TMEM178B: variants seen among roughly 807,000 people sequenced by gnomAD.
The protein encoded by TMEM178B is transmembrane protein 178B.
TMEM178B carries 5 observed loss-of-function variants against 31.0 expected under a neutral mutation model. The ratio of observed to expected loss-of-function variants is 0.16; its 90% CI spans 0.08 to 0.34. The LOEUF is 0.34. Among genes scored for constraint, TMEM178B ranks in the 10% least tolerant of loss-of-function variants. The probability of loss-of-function intolerance (pLI) is 1.00; values close to 1 mark genes in which losing one functional copy is unlikely to be tolerated. For synonymous variants in TMEM178B, 164 were observed against 164.0 expected (o/e 1.00, Z 0.00); for missense variants, 275 against 400.3 (o/e 0.69, Z 2.67).
intron 3 of TMEM178B, among the ~76,000 whole-genome samples, chr7:141,463,511 G>T (rs982407460): frequency 6.6e-6 from 1 of 152,166 alleles, no homozygotes; most frequent in Admixed American, 6.5e-5. Flanking sequence ...AGCTATTCTG[G>T]CCAAATAGAA....
At chr7:141,500,170 G>C in the TMEM178B span, among the ~76,000 whole-genome samples, 15,764 of 152,058 alleles carry the variant, frequency 0.1, 2,485 homozygotes, top group African/African-American at 0.34. Context: ...AAAATTTATT[G>C]ACCATCAATT....
intron 3 of TMEM178B, among the ~76,000 whole-genome samples, chr7:141,441,143 G>A (rs542918271): frequency 2.9e-4 from 44 of 152,214 alleles, no homozygotes; most frequent in Non-Finnish European, 5.6e-4. Flanking sequence ...AGGGACTAGG[G>A]AAGGAGCAGA....
intron 2 of TMEM178B, among the ~76,000 whole-genome samples, chr7:141,392,932 C>T (rs1343955496): frequency 1.3e-5 from 2 of 151,640 alleles, no homozygotes; most frequent in African/African-American, 4.8e-5. Flanking sequence ...CAACCTTCAA[C>T]ATAACTGAAA....
intron 2 of TMEM178B, among the ~76,000 whole-genome samples, chr7:141,258,551 C>T (rs1797965746): frequency 6.6e-6 from 1 of 152,160 alleles, no homozygotes; most frequent in Non-Finnish European, 1.5e-5. Flanking sequence ...TTTCTGTGCT[C>T]TGTTTTCTTC....
At chr7:141,440,601 C>T (rs1225053186) in intron 3 of TMEM178B, among the ~76,000 whole-genome samples, 2 of 151,970 alleles carry the variant, frequency 1.3e-5, no homozygotes, top group African/African-American at 4.8e-5. Flanking sequence ...GATGGGGCCT[C>T]GATTATTACT....
chr7:141,168,930 A>G (rs1796303397), intron 1 of TMEM178B, among the ~76,000 whole-genome samples: 1 of 152,210 alleles, frequency 6.6e-6, no homozygotes. Flanking sequence ...ATCAAATCAG[A>G]GCAATTGGGA....
At chr7:141,433,577 A>G (rs1330361852) in intron 2 of TMEM178B, among the ~76,000 whole-genome samples, 1 of 151,952 alleles carries the variant, frequency 6.6e-6, no homozygotes. Context: ...TGCTAGACAC[A>G]TTTTTTTCAA....
the TMEM178B span, among the ~76,000 whole-genome samples, chr7:141,502,608 T>TA: frequency 2.0e-5 from 3 of 152,054 alleles, no homozygotes; most frequent in Admixed American, 2.0e-4. Flanking sequence ...CCGTATCTAC[T>TA]AAACATAAAA....
At chr7:141,456,109 A>AC in intron 3 of TMEM178B, among the ~76,000 whole-genome samples, 1 of 151,954 alleles carries the variant, frequency 6.6e-6, no homozygotes, top group South Asian at 2.1e-4. Context: ...CTCATCCACC[A>AC]CCCCTTCTGT....
At chr7:141,336,785 A>C (rs568327453) in intron 2 of TMEM178B, among the ~76,000 whole-genome samples, 22 of 150,570 alleles carry the variant, frequency 1.5e-4, no homozygotes, top group Middle Eastern at 6.8e-3. Context: ...CACCATCACC[A>C]CCACAACCAC....
At position 141,402,552 on chromosome 7, in the gene TMEM178B, C is replaced by T. The variant is rs552894543; in HGVS notation, c.497-35056C>T. 1.2e-3 allele frequency among the ~76,000 whole-genome samples: 183 copies of T among 152,318 alleles called. 1 individual carries two copies. Among genetic ancestry groups the T allele is most frequent in the Non-Finnish European group, 2.0e-3 (133 of 68,036 alleles). The stretch of plus-strand genomic sequence containing the variant: ...CACCAGCACCCTAGGACCAAGCGGG[C>T]TGGTGCTTCCAGGCAAAGACACAGC... On this transcript the variant is annotated intron_variant, in intron 2 of 3. Transcript: ENST00000565468.
rs185454000 is a variant in TMEM178B at position 141,115,104 on chromosome 7, G to A, written c.382+40412G>A. On this transcript the variant is annotated intron_variant, in intron 1 of 3. Transcript: ENST00000565468. ...GTCACCCAGGCTGGAATGCAGTGGC[G>A]TGATCTTGGCTCACTGCAACCTCCG... Among the ~76,000 whole-genome samples the A allele has an allele frequency of 4.0e-3, 603 of 152,186 alleles. 8 individuals carry two copies. The highest frequency in any genetic ancestry group is 0.013 in the African/African-American group (557 of 41,522).
intron 1 of TMEM178B, among the ~76,000 whole-genome samples, chr7:141,127,808 CTT>C (rs1006320493): frequency 3.5e-4 from 53 of 152,260 alleles, no homozygotes; most frequent in Admixed American, 3.3e-3. Flanking sequence ...CCTGAGAAGT[CTT>C]TGCTTCTTTA....
chr7:141,409,316 C>T (rs540640080), intron 2 of TMEM178B, among the ~76,000 whole-genome samples: 1 of 152,214 alleles, frequency 6.6e-6, no homozygotes, highest in Admixed American at 6.5e-5. Context: ...CTCTTGCTAA[C>T]TGCATTTTAG....
chr7:141,435,885 T>C (rs1034961944), intron 2 of TMEM178B, among the ~76,000 whole-genome samples: 4 of 152,176 alleles, frequency 2.6e-5, no homozygotes. Context: ...AGCAGGAACC[T>C]GCCCTGTGGC....
rs148165409 is a variant in TMEM178B at position 141,087,009 on chromosome 7, C to CA, written c.382+12326dup. ...GGCCTGATATTTTGTTTTTTAAAAACAAAAAAAAACAGAAGATCTGAAGCA... is the reference window on the plus strand; with the variant it reads ...GGCCTGATATTTTGTTTTTTAAAAACAAAAAAAAAACAGAAGATCTGAAGCA... On this transcript the variant is annotated intron_variant, in intron 1 of 3. Coordinates refer to ENST00000565468, the MANE Select transcript of TMEM178B (RefSeq NM_001195278.2). 1.3e-3 allele frequency among the ~76,000 whole-genome samples: 198 copies of CA among 148,830 alleles called. 2 individuals are homozygous for CA. In the East Asian group the frequency reaches 0.016, roughly 12 times the overall value.
chr7:141,138,566 A>G (rs1397059506), intron 1 of TMEM178B, among the ~76,000 whole-genome samples: 1 of 151,744 alleles, frequency 6.6e-6, no homozygotes, highest in Non-Finnish European at 1.5e-5. Flanking sequence ...TAATCATCTC[A>G]TGTTTTGGGA....
In TMEM178B at chr7:141,362,915, T is replaced by C. The variant is rs536273502; in HGVS notation, c.497-74693T>C. Among the ~76,000 whole-genome samples, 10 of 152,272 alleles carry C rather than the reference T, an allele frequency of 6.6e-5. No individual in the cohort carries two copies. In the South Asian group the frequency reaches 1.9e-3, roughly 28 times the overall value. ...TACAGCACACCTCTGGCTGGCCATCTGGAAAAGTGCTCATGAGGTCAGATA... is the reference window on the plus strand; with the variant it reads ...TACAGCACACCTCTGGCTGGCCATCCGGAAAAGTGCTCATGAGGTCAGATA... On this transcript the variant is annotated intron_variant, in intron 2 of 3. Transcript: ENST00000565468.
intron 2 of TMEM178B, among the ~76,000 whole-genome samples, chr7:141,213,866 C>T (rs1266441998): frequency 2.0e-5 from 3 of 152,120 alleles, no homozygotes; most frequent in African/African-American, 7.2e-5. Context: ...ATACTCCTGG[C>T]CTGAAATGAT....
Sources: gnomAD v4.1 joint callset for allele counts (sites outside exome capture counted in the v4.1 genomes callset) on GRCh38, gnomAD v4.1.1 for gene constraint, MANE v1.5 for transcripts, NCBI Gene and HGNC (gene_info 2026-07-23, HGNC 2026-07-21) for gene names.